The following CUL5 variants were observed in gnomAD, a reference collection of about 807,000 sequenced individuals.
The protein encoded by CUL5 is cullin-5.
Under a neutral mutation model 108.8 loss-of-function variants are expected in CUL5, and 26 were observed. That is an observed-to-expected ratio of 0.24 (90% CI 0.18 to 0.33). CUL5 has a LOEUF of 0.33. Among genes scored for constraint, CUL5 ranks in the 10% least tolerant of loss-of-function variants. CUL5 has a pLI of 1.00. For synonymous variants in CUL5, 334 were observed against 298.0 expected (o/e 1.12, Z -1.25); for missense variants, 524 against 909.2 (o/e 0.58, Z 5.45).
At chr11:108,095,480 A>C (rs1864468868) in intron 15 of CUL5, 50 bp from the exon 16 acceptor site, 2 of 1,252,354 alleles carry the variant, frequency 1.6e-6, no homozygotes, top group Non-Finnish European at 2.2e-6. Context: ...AGATATTAAG[A>C]GAGAATCATC....
chr11:108,044,639 A>G (rs1863022582), intron 2 of CUL5, among the ~76,000 whole-genome samples: 1 of 152,014 alleles, frequency 6.6e-6, no homozygotes, highest in Non-Finnish European at 1.5e-5. Context: ...ATCACTGGGG[A>G]ACATTTTTTG....
chr11:108,037,368 T>G (rs1862773221), intron 2 of CUL5, among the ~76,000 whole-genome samples: 1 of 152,216 alleles, frequency 6.6e-6, no homozygotes, highest in African/African-American at 2.4e-5. Context: ...TCCCTCTTCA[T>G]GAGTCCAACT....
At chr11:108,098,665 T>TG in intron 18 of CUL5, 136 bp downstream of exon 18, 3 of 507,648 alleles carry the variant, frequency 5.9e-6, no homozygotes, top group Non-Finnish European at 9.3e-6. Context: ...ATCCCAACAC[T>TG]TTGGGATGCT....
intron 7 of CUL5, among the ~76,000 whole-genome samples, chr11:108,063,438 C>A (rs2135161780): frequency 6.6e-6 from 1 of 151,982 alleles, no homozygotes; most frequent in South Asian, 2.1e-4. Flanking sequence ...TTTTCATTAT[C>A]CATTCATTTG....
chr11:108,068,371 T>G (rs1012592689), intron 7 of CUL5, among the ~76,000 whole-genome samples: 2 of 152,102 alleles, frequency 1.3e-5, no homozygotes, highest in African/African-American at 4.8e-5. Context: ...CAGACTACAC[T>G]GCAGTGACAT....
intron 18 of CUL5, among the ~76,000 whole-genome samples, chr11:108,101,441 AGGGCCCCAT>A (rs1227770374): frequency 6.6e-6 from 1 of 152,220 alleles, no homozygotes; most frequent in East Asian, 1.9e-4. Flanking sequence ...CTAGTTGCTA[AGGGCCCCAT>A]GGCCTCTTCC....
At chr11:108,014,884 CTTA>C (rs979670338) in intron 1 of CUL5, among the ~76,000 whole-genome samples, 17 of 152,034 alleles carry the variant, frequency 1.1e-4, no homozygotes, top group East Asian at 7.7e-4. Flanking sequence ...GCTCGGTGCT[CTTA>C]TTATTATTAT....
In CUL5 at chr11:108,027,720, AATTCCACTCTTC is replaced by A. The variant is rs1265419613; in HGVS notation, c.25-6071_25-6060del. ...TTGCGCCTGGCTCCTCGTTTCTCTT[AATTCCACTCTTC>A]ATTCCACTCTAATCTGGTATTTGTC... On this transcript the variant is annotated intron_variant, in intron 1 of 18. Coordinates refer to ENST00000393094, the MANE Select transcript of CUL5 (RefSeq NM_003478.6). Among the ~76,000 whole-genome samples the A allele has an allele frequency of 3.3e-5, 5 of 152,146 alleles. No individual in the cohort carries two copies. The East Asian group carries it at 9.7e-4, about 29-fold the overall frequency.
intron 3 of CUL5, among the ~76,000 whole-genome samples, chr11:108,048,734 T>G (rs1179133871): frequency 2.8e-5 from 4 of 143,342 alleles, no homozygotes; most frequent in African/African-American, 1.1e-4. Context: ...TAGCGCGATC[T>G]CGGCTCACTA....
At chr11:108,067,085 G>GC (rs1863702958) in intron 7 of CUL5, among the ~76,000 whole-genome samples, 1 of 152,172 alleles carries the variant, frequency 6.6e-6, no homozygotes, top group African/African-American at 2.4e-5. Flanking sequence ...AAGACCTTAT[G>GC]AACCAACTGT....
chr11:108,065,586 G>C (rs148790756), intron 7 of CUL5, among the ~76,000 whole-genome samples: 7 of 152,128 alleles, frequency 4.6e-5, no homozygotes, highest in African/African-American at 1.7e-4. Flanking sequence ...GGGTGGTGGT[G>C]AGTTCAATGC....
chr11:108,014,768 A>G (rs967650050), intron 1 of CUL5, among the ~76,000 whole-genome samples: 2 of 152,210 alleles, frequency 1.3e-5, no homozygotes, highest in Non-Finnish European at 1.5e-5. Flanking sequence ...TATAATTTAC[A>G]TTTTTGTTGG....
At chr11:108,029,063 T>C (rs1432793553) in intron 1 of CUL5, among the ~76,000 whole-genome samples, 1 of 152,250 alleles carries the variant, frequency 6.6e-6, no homozygotes, top group Admixed American at 6.5e-5. Context: ...GTTCTTTGCA[T>C]TGGCTGCTTT....
intron 10 of CUL5, chr11:108,074,054 C>G (rs1230631456): frequency 6.6e-6 from 1 of 152,058 alleles, no homozygotes; most frequent in Admixed American, 6.6e-5. Flanking sequence ...TGTAATAAAC[C>G]TATAACAAGA....
intron 3 of CUL5, among the ~76,000 whole-genome samples, chr11:108,047,792 C>T (rs1863103100): frequency 6.6e-6 from 1 of 151,976 alleles, no homozygotes; most frequent in African/African-American, 2.4e-5. Flanking sequence ...GGAAATGTAC[C>T]ACGTTTTCTT....
chr11:108,057,148 A>G (rs1484166197), intron 7 of CUL5, among the ~76,000 whole-genome samples: 2 of 152,158 alleles, frequency 1.3e-5, no homozygotes, highest in Non-Finnish European at 2.9e-5. Flanking sequence ...AACTAAAAGA[A>G]TAAGTCCAGA....
intron 2 of CUL5, among the ~76,000 whole-genome samples, chr11:108,042,845 C>G (rs1193794359): frequency 6.6e-6 from 1 of 152,106 alleles, no homozygotes; most frequent in Non-Finnish European, 1.5e-5. Flanking sequence ...TCACTGCAAC[C>G]TCCGCTTCCA....
chr11:108,072,297 T>C, intron 8 of CUL5, 35 bp from the exon 9 acceptor site: 1 of 1,522,712 alleles, frequency 6.6e-7, no homozygotes, highest in Admixed American at 1.9e-5. Context: ...CTCTAGTAAA[T>C]GAAATGATTA....
intron 7 of CUL5, among the ~76,000 whole-genome samples, chr11:108,061,169 C>T (rs1344887187): frequency 1.3e-5 from 2 of 152,084 alleles, no homozygotes; most frequent in African/African-American, 4.8e-5. Flanking sequence ...AAAGGGAATA[C>T]AAGGTGAGAG....
Sources: gnomAD v4.1 joint callset for allele counts (sites outside exome capture counted in the v4.1 genomes callset) on GRCh38, gnomAD v4.1.1 for gene constraint, MANE v1.5 for transcripts, NCBI Gene and HGNC (gene_info 2026-07-23, HGNC 2026-07-21) for gene names.